Variants in PRIM2 observed in about 807,000 individuals in gnomAD.
PRIM2 encodes DNA primase large subunit.
PRIM2 carries 39 observed loss-of-function variants against 67.3 expected under a neutral mutation model. The ratio of observed to expected loss-of-function variants is 0.58; its 90% CI spans 0.45 to 0.76. PRIM2 has a LOEUF of 0.76. Ranked by LOEUF, PRIM2 falls within the 30% of genes least tolerant of loss-of-function variation. PRIM2 has a pLI of 0.00. For missense variants in PRIM2, 398 were observed against 598.7 expected (o/e 0.66, Z 3.50); for synonymous variants, 143 against 198.7 (o/e 0.72, Z 2.36).
chr6:57,571,012 G>A (rs1775853217), intron 10 of PRIM2, among the ~76,000 whole-genome samples: 2 of 152,098 alleles, frequency 1.3e-5, no homozygotes, highest in Non-Finnish European at 2.9e-5. Flanking sequence ...AAATCTATTT[G>A]ATTTACATAA....
chr6:57,526,388 T>C (rs1774753660), intron 8 of PRIM2, among the ~76,000 whole-genome samples: 1 of 152,208 alleles, frequency 6.6e-6, no homozygotes, highest in Admixed American at 6.5e-5. Flanking sequence ...TATTTATGGA[T>C]GAAAAAAAGT....
intron 5 of PRIM2, among the ~76,000 whole-genome samples, chr6:57,363,683 AT>A (rs1769264867): frequency 6.6e-6 from 1 of 152,166 alleles, no homozygotes; most frequent in African/African-American, 2.4e-5. Flanking sequence ...CTTTTAAGAT[AT>A]TCTATTTAAT....
chr6:57,358,749 G>C (rs1346756081), intron 5 of PRIM2, among the ~76,000 whole-genome samples: 2 of 152,096 alleles, frequency 1.3e-5, no homozygotes, highest in East Asian at 3.8e-4. Flanking sequence ...TTCACTATAA[G>C]TATTATATAA....
At position 57,593,925 on chromosome 6, in the gene PRIM2, A is replaced by G. The variant is rs1776323742; in HGVS notation, c.1021-7168A>G. On this transcript the variant is annotated intron_variant, in intron 10 of 13. Coordinates refer to ENST00000615550, the MANE Select transcript of PRIM2 (RefSeq NM_000947.5). ...AATACTTTTAGCTTTTCTCTTTTAGAGAGATTAGCTTTCCATTATTTTAAC... is the reference window on the plus strand; with the variant it reads ...AATACTTTTAGCTTTTCTCTTTTAGGGAGATTAGCTTTCCATTATTTTAAC... 3.3e-5 allele frequency among the ~76,000 whole-genome samples: 5 copies of G among 152,348 alleles called. No individual in the cohort carries two copies. The South Asian group carries it at 1.0e-3, about 32-fold the overall frequency.
At chr6:57,536,554 A>G (rs1775007025) in intron 9 of PRIM2, among the ~76,000 whole-genome samples, 1 of 152,226 alleles carries the variant, frequency 6.6e-6, no homozygotes, top group Non-Finnish European at 1.5e-5. Flanking sequence ...AATGCTTATA[A>G]TACCTTCATT....
intron 10 of PRIM2, among the ~76,000 whole-genome samples, chr6:57,547,666 G>C (rs1168399669): frequency 6.6e-6 from 1 of 152,096 alleles, no homozygotes; most frequent in African/African-American, 2.4e-5. Context: ...CTTTAAGCTG[G>C]TTTTATTGGA....
chr6:57,355,301 CA>C (rs66639419), intron 5 of PRIM2, among the ~76,000 whole-genome samples: 9,996 of 63,512 alleles, frequency 0.16, 338 homozygotes, highest in Admixed American at 0.23. Flanking sequence ...GACTCTGTCT[CA>C]AAAAAAAAAA....
the PRIM2 span, among the ~76,000 whole-genome samples, chr6:57,255,021 ACT>A: frequency 6.6e-6 from 1 of 152,082 alleles, no homozygotes; most frequent in Non-Finnish European, 1.5e-5. Flanking sequence ...ACAGAAATAA[ACT>A]GTCTTCTTTC....
the PRIM2 span, among the ~76,000 whole-genome samples, chr6:57,222,604 T>C: frequency 3.3e-5 from 5 of 152,202 alleles, no homozygotes; most frequent in African/African-American, 1.2e-4. Flanking sequence ...ACATCTTAAG[T>C]GGCCAAGTGA....
chr6:57,631,203 A>G (rs1193235413), intron 12 of PRIM2, among the ~76,000 whole-genome samples: 2 of 152,110 alleles, frequency 1.3e-5, no homozygotes, highest in Non-Finnish European at 2.9e-5. Flanking sequence ...CCCCATGTTC[A>G]TTTCTTTTTG....
intron 11 of PRIM2, among the ~76,000 whole-genome samples, chr6:57,604,074 A>G (rs1292602892): frequency 6.6e-6 from 1 of 152,176 alleles, no homozygotes; most frequent in Non-Finnish European, 1.5e-5. Flanking sequence ...TGGGAGGTCA[A>G]CACAGGTAGA....
chr6:57,517,258 C>T lies in PRIM2; in HGVS notation c.761+9804C>T, dbSNP rs1352419191. Among the ~76,000 whole-genome samples, 20 of 152,238 alleles carry T rather than the reference C, an allele frequency of 1.3e-4. No individual in the cohort carries two copies. The East Asian group carries it at 2.3e-3, about 18-fold the overall frequency. On this transcript the variant is annotated intron_variant, in intron 8 of 13. Coordinates refer to ENST00000615550, the MANE Select transcript of PRIM2 (RefSeq NM_000947.5). ...GTTACAAAGAAAATTAGTGATTTTA[C>T]ACTGTGTTAGTCATAAAACACTAAC...
chr6:57,229,535 T>C, the PRIM2 span, among the ~76,000 whole-genome samples: 1 of 152,066 alleles, frequency 6.6e-6, no homozygotes, highest in Non-Finnish European at 1.5e-5. Context: ...TTGCCCAGGC[T>C]GGAGTGCAGT....
chr6:57,500,612 A>C, intron 7 of PRIM2, among the ~76,000 whole-genome samples: 1 of 152,350 alleles, frequency 6.6e-6, no homozygotes. Flanking sequence ...ACATCTTTCT[A>C]TGTTAGGCTT....
At chr6:57,423,806 A>G (rs1208153200) in intron 7 of PRIM2, among the ~76,000 whole-genome samples, 2 of 152,144 alleles carry the variant, frequency 1.3e-5, no homozygotes, top group Non-Finnish European at 2.9e-5. Context: ...TTAAGGGTAC[A>G]TTGTTTCAGT....
intron 8 of PRIM2, among the ~76,000 whole-genome samples, chr6:57,519,917 G>A (rs1193179157): frequency 6.6e-6 from 1 of 152,144 alleles, no homozygotes; most frequent in Non-Finnish European, 1.5e-5. Context: ...GGCTTCAGCC[G>A]GTCCCTCTGT....
intron 7 of PRIM2, among the ~76,000 whole-genome samples, chr6:57,454,476 G>T (rs138051333): frequency 6.6e-6 from 1 of 152,068 alleles, no homozygotes; most frequent in African/African-American, 2.4e-5. Flanking sequence ...GCCTGTTATT[G>T]GTCTATTCAG....
At position 57,352,342 on chromosome 6, in the gene PRIM2, G is replaced by A. The variant is rs559644626; in HGVS notation, c.459+26297G>A. Among the ~76,000 whole-genome samples the A allele has an allele frequency of 3.1e-3, 475 of 152,276 alleles. 1 individual carries two copies. Among genetic ancestry groups the A allele is most frequent in the Non-Finnish European group, 4.2e-3 (286 of 68,026 alleles). On this transcript the variant is annotated intron_variant, in intron 5 of 13. Transcript: ENST00000615550. ...GGCATCCTCCGCCTCCCAGGTTTAA[G>A]CAATTCTCCTCCCTCAGCCTCTTAA...
At chr6:57,439,118 T>C (rs1772110552) in intron 7 of PRIM2, among the ~76,000 whole-genome samples, 1 of 152,206 alleles carries the variant, frequency 6.6e-6, no homozygotes, top group Non-Finnish European at 1.5e-5. Context: ...TTACATTGTT[T>C]AGATGAAACT....
Sources: gnomAD v4.1 joint callset for allele counts (sites outside exome capture counted in the v4.1 genomes callset) on GRCh38, gnomAD v4.1.1 for gene constraint, MANE v1.5 for transcripts, NCBI Gene and HGNC (gene_info 2026-07-23, HGNC 2026-07-21) for gene names.